Variants in GPATCH2 observed in about 807,000 individuals in gnomAD.
GPATCH2 encodes G patch domain-containing protein 2.
A neutral mutation model predicts 58.0 loss-of-function variants in GPATCH2; 51 were observed. The observed-to-expected ratio is 0.88, with a 90% CI of 0.70 to 1.11. GPATCH2 has a LOEUF of 1.11. GPATCH2 is among the 50% of genes most tolerant of loss of function. The pLI, the probability that GPATCH2 is intolerant of heterozygous loss-of-function variation, is 0.00. For missense variants in GPATCH2, 625 were observed against 652.2 expected (o/e 0.96, Z 0.45); for synonymous variants, 222 against 218.5 (o/e 1.02, Z -0.14).
chr1:217,493,979 A>G (rs1422660563), intron 7 of GPATCH2, among the ~76,000 whole-genome samples: 1 of 152,166 alleles, frequency 6.6e-6, no homozygotes, highest in East Asian at 1.9e-4. Context: ...TAAAAAATTT[A>G]TAGTTTAGTT....
At chr1:217,554,239 C>T (rs995121679) in intron 5 of GPATCH2, among the ~76,000 whole-genome samples, 9 of 152,158 alleles carry the variant, frequency 5.9e-5, no homozygotes, top group African/African-American at 2.2e-4. Flanking sequence ...TGCAATTCAT[C>T]ACCTACTACA....
intron 8 of GPATCH2, among the ~76,000 whole-genome samples, chr1:217,465,126 T>C (rs77817311): frequency 5.3e-5 from 8 of 150,952 alleles, no homozygotes; most frequent in Non-Finnish European, 1.0e-4. Flanking sequence ...GAAATTAAAC[T>C]AAAAGGAACA....
chr1:217,475,479 C>T (rs868709226), intron 8 of GPATCH2, among the ~76,000 whole-genome samples: 1 of 151,954 alleles, frequency 6.6e-6, no homozygotes. Flanking sequence ...ATTAAAGAAA[C>T]AAGAGGAGAT....
chr1:217,551,989 A>G (rs1185650666), intron 5 of GPATCH2, among the ~76,000 whole-genome samples: 1 of 152,132 alleles, frequency 6.6e-6, no homozygotes, highest in East Asian at 1.9e-4. Context: ...TTAAGAAAAT[A>G]AGATAATTTT....
At chr1:217,456,069 A>G (rs1483182326) in intron 8 of GPATCH2, among the ~76,000 whole-genome samples, 1 of 152,038 alleles carries the variant, frequency 6.6e-6, no homozygotes, top group African/African-American at 2.4e-5. Flanking sequence ...CCACCACTCA[A>G]TAAAAGCCCG....
chr1:217,575,341 C>G (rs1031254763), intron 5 of GPATCH2, among the ~76,000 whole-genome samples: 4 of 152,144 alleles, frequency 2.6e-5, no homozygotes, highest in South Asian at 2.1e-4. Context: ...TAAAAATCCT[C>G]TTAAGATTAG....
Position 217,610,363 on chromosome 1 carries a change from A to C in GPATCH2, c.1056T>G (p.Ser352=). The C allele has an allele frequency of 6.2e-7, 1 of 1,606,852 alleles. No homozygotes were observed. The highest frequency in any genetic ancestry group is 1.7e-5 in the Admixed American group (1 of 59,874). The change falls in exon 5 of 10, where the codon TCT becomes TCG. Residue 352 remains serine, a synonymous_variant. Coordinates refer to ENST00000366935, the MANE Select transcript of GPATCH2 (RefSeq NM_018040.5). ...QARLSRLHGM[S]SKNIKKSGGT... ...CTCCAGATTTTTTAATATTCTTTGA[A>C]GACATTCCATGAAGGCGACTGAGTC...
At chr1:217,461,980 C>T (rs1182856380) in intron 8 of GPATCH2, among the ~76,000 whole-genome samples, 1 of 152,094 alleles carries the variant, frequency 6.6e-6, no homozygotes, top group Non-Finnish European at 1.5e-5. Context: ...GTGATAAGTA[C>T]GTGAACATTA....
At chr1:217,610,768 T>C (rs1471029460) in intron 4 of GPATCH2, 121 bp downstream of exon 4, 3 of 668,936 alleles carry the variant, frequency 4.5e-6, no homozygotes, top group Admixed American at 3.0e-5. Context: ...GGCCAATATG[T>C]TTCTTTACAG....
intron 5 of GPATCH2, among the ~76,000 whole-genome samples, chr1:217,561,267 C>T (rs17046602): frequency 0.032 from 4,895 of 152,196 alleles, 170 homozygotes; most frequent in East Asian, 0.16. Flanking sequence ...ACTGCATCTG[C>T]TACAAAACTT....
intron 5 of GPATCH2, among the ~76,000 whole-genome samples, chr1:217,541,011 A>G (rs1664713114): frequency 6.6e-6 from 1 of 152,234 alleles, no homozygotes; most frequent in South Asian, 2.1e-4. Flanking sequence ...CCGTAACTCC[A>G]GTTGTATCCA....
At chr1:217,530,281 C>G (rs553585999) in intron 5 of GPATCH2, among the ~76,000 whole-genome samples, 1 of 152,316 alleles carries the variant, frequency 6.6e-6, no homozygotes, top group South Asian at 2.1e-4. Context: ...GGTCCAAATA[C>G]TAACTTCTCC....
chr1:217,553,959 A>G (rs547377458), intron 5 of GPATCH2, among the ~76,000 whole-genome samples: 48 of 152,326 alleles, frequency 3.2e-4, no homozygotes, highest in African/African-American at 1.2e-3. Context: ...AAAATGATGG[A>G]CAGCTCTGGC....
intron 8 of GPATCH2, among the ~76,000 whole-genome samples, chr1:217,455,683 C>T (rs1659908310): frequency 6.6e-6 from 1 of 152,056 alleles, no homozygotes; most frequent in Admixed American, 6.6e-5. Flanking sequence ...GACAGGGAAA[C>T]ACTAGGTAGA....
intron 1 of GPATCH2, among the ~76,000 whole-genome samples, chr1:217,628,152 A>T (rs930205976): frequency 2.6e-5 from 4 of 152,088 alleles, no homozygotes; most frequent in Non-Finnish European, 4.4e-5. Flanking sequence ...TGCTTGACAC[A>T]TAACAGATTT....
intron 5 of GPATCH2, among the ~76,000 whole-genome samples, chr1:217,545,671 T>C (rs1347476551): frequency 6.6e-6 from 1 of 152,168 alleles, no homozygotes; most frequent in Non-Finnish European, 1.5e-5. Context: ...TTCTGTGTTG[T>C]CCATGGCTCC....
intron 2 of GPATCH2, among the ~76,000 whole-genome samples, chr1:217,615,467 T>C (rs1668839753): frequency 6.6e-6 from 1 of 152,114 alleles, no homozygotes; most frequent in Admixed American, 6.6e-5. Flanking sequence ...TATGCTCTTC[T>C]ATGCACTATA....
At chr1:217,432,118 G>A (rs1658566207) in intron 9 of GPATCH2, among the ~76,000 whole-genome samples, 1 of 151,642 alleles carries the variant, frequency 6.6e-6, no homozygotes, top group Non-Finnish European at 1.5e-5. Flanking sequence ...CCCTTCATAG[G>A]CCTCCAGAGA....
intron 1 of GPATCH2, among the ~76,000 whole-genome samples, chr1:217,628,158 G>C (rs1669552453): frequency 6.6e-6 from 1 of 151,974 alleles, no homozygotes; most frequent in South Asian, 2.1e-4. Flanking sequence ...ACACATAACA[G>C]ATTTTAAAAA....
Sources: allele counts gnomAD v4.1 joint callset (sites outside exome capture counted in the v4.1 genomes callset), GRCh38; gene constraint gnomAD v4.1.1; transcripts MANE v1.5; gene names NCBI Gene and HGNC (gene_info 2026-07-23, HGNC 2026-07-21).